Variants in RORA observed in about 807,000 individuals in gnomAD.
RORA encodes the protein RAR related orphan receptor A, also known as nuclear receptor ROR-alpha.
Under a neutral mutation model 69.5 loss-of-function variants are expected in RORA, and 7 were observed. The ratio of observed to expected loss-of-function variants is 0.10; its 90% CI spans 0.06 to 0.19. The LOEUF is 0.19. Ranked by LOEUF, RORA falls within the 10% of genes least tolerant of loss-of-function variation. RORA has a pLI of 1.00. For missense variants in RORA, 457 were observed against 663.0 expected (o/e 0.69, Z 3.41); for synonymous variants, 261 against 240.8 (o/e 1.08, Z -0.78).
At chr15:60,900,189 T>C (rs1232977678) in intron 1 of RORA, among the ~76,000 whole-genome samples, 1 of 144,914 alleles carries the variant, frequency 6.9e-6, no homozygotes, top group Non-Finnish European at 1.5e-5. Flanking sequence ...AGGTCATTTA[T>C]TGTCTGCCAG....
intron 1 of RORA, among the ~76,000 whole-genome samples, chr15:60,941,827 T>TC (rs1892705710): frequency 6.6e-6 from 1 of 152,240 alleles, no homozygotes; most frequent in Non-Finnish European, 1.5e-5. Context: ...GGAAGGGTTT[T>TC]AAATGTTTGC....
At chr15:60,921,275 T>C (rs1261617395) in intron 1 of RORA, among the ~76,000 whole-genome samples, 1 of 152,102 alleles carries the variant, frequency 6.6e-6, no homozygotes, top group Non-Finnish European at 1.5e-5. Flanking sequence ...AAAATGGAAA[T>C]ACCACTAATT....
At chr15:61,136,148 G>T (rs1417149281) in intron 1 of RORA, among the ~76,000 whole-genome samples, 1 of 152,058 alleles carries the variant, frequency 6.6e-6, no homozygotes, top group Non-Finnish European at 1.5e-5. Flanking sequence ...AGAGTTCCTG[G>T]CCATAGAAGC....
intron 1 of RORA, among the ~76,000 whole-genome samples, chr15:61,014,110 T>G (rs1038548091): frequency 6.6e-6 from 1 of 152,194 alleles, no homozygotes; most frequent in Non-Finnish European, 1.5e-5. Context: ...AACAGCTCTG[T>G]AATGAAGTAC....
chr15:60,640,159 C>T (rs1405541603), intron 2 of RORA, among the ~76,000 whole-genome samples: 5 of 152,184 alleles, frequency 3.3e-5, no homozygotes, highest in South Asian at 2.1e-4. Context: ...CACTAGGATT[C>T]ATGTGAGGAG....
intron 1 of RORA, among the ~76,000 whole-genome samples, chr15:60,722,895 A>G (rs1270938308): frequency 1.3e-5 from 2 of 152,170 alleles, no homozygotes; most frequent in African/African-American, 4.8e-5. Context: ...TTCCCAGAGA[A>G]GTGGTCAGGG....
chr15:61,046,276 C>A (rs781707538), intron 1 of RORA, among the ~76,000 whole-genome samples: 1 of 152,212 alleles, frequency 6.6e-6, no homozygotes, highest in Non-Finnish European at 1.5e-5. Flanking sequence ...GGGCACTGTA[C>A]ACACAGGATG....
At chr15:61,008,570 T>C (rs138512971) in intron 1 of RORA, among the ~76,000 whole-genome samples, 75 of 152,240 alleles carry the variant, frequency 4.9e-4, no homozygotes, top group African/African-American at 1.6e-3. Flanking sequence ...AACTAAACTT[T>C]CCACCTGTGA....
At chr15:60,592,711 G>A in intron 2 of RORA, 1 of 1,054,192 alleles carries the variant, frequency 9.5e-7, no homozygotes, top group East Asian at 9.0e-5. Flanking sequence ...CAGGTGAGTA[G>A]CAGCGGCGGC....
intron 2 of RORA, among the ~76,000 whole-genome samples, chr15:60,562,162 C>T (rs544521039): frequency 5.3e-5 from 8 of 152,002 alleles, no homozygotes; most frequent in Non-Finnish European, 1.2e-4. Context: ...CTCGAACTCC[C>T]GACCTCAGGT....
intron 2 of RORA, chr15:60,592,544 C>T: frequency 7.8e-7 from 1 of 1,276,808 alleles, no homozygotes; most frequent in Non-Finnish European, 9.9e-7. Context: ...CGCCGAGAGC[C>T]ATCCCGAGCC....
At chr15:61,219,554 G>A (rs546696255) in intron 1 of RORA, among the ~76,000 whole-genome samples, 12 of 151,950 alleles carry the variant, frequency 7.9e-5, no homozygotes, top group Middle Eastern at 3.4e-3. Flanking sequence ...CAGCCTGGGC[G>A]ACAGAGCAAG....
In RORA at chr15:61,101,174, C is replaced by T. The variant is rs1380991376; in HGVS notation, c.166+127879G>A. 2.6e-5 allele frequency among the ~76,000 whole-genome samples: 4 copies of T among 152,134 alleles called. No individual in the cohort carries two copies. The East Asian group carries it at 5.8e-4, about 22-fold the overall frequency. ...TCATTCATTCACTGTTCTAGTCAACCAACATTTAAAATATACGGAAGACAT... is the reference window on the plus strand; with the variant it reads ...TCATTCATTCACTGTTCTAGTCAACTAACATTTAAAATATACGGAAGACAT... On this transcript the variant is annotated intron_variant, in intron 1 of 10. Coordinates refer to ENST00000335670, the MANE Select transcript of RORA (RefSeq NM_134261.3).
intron 1 of RORA, among the ~76,000 whole-genome samples, chr15:61,185,212 C>A (rs1199015307): frequency 2.0e-5 from 3 of 152,060 alleles, no homozygotes; most frequent in Admixed American, 6.6e-5. Flanking sequence ...TTTCAGCACA[C>A]TGATGAAGCA....
intron 1 of RORA, among the ~76,000 whole-genome samples, chr15:60,978,991 T>A (rs992872024): frequency 7.3e-5 from 7 of 95,988 alleles, no homozygotes; most frequent in Non-Finnish European, 1.1e-4. Flanking sequence ...AGACGGAGTC[T>A]TGCTCAGTAG....
At chr15:60,998,299 G>A (rs558762661) in intron 1 of RORA, among the ~76,000 whole-genome samples, 1 of 151,864 alleles carries the variant, frequency 6.6e-6, no homozygotes, top group Non-Finnish European at 1.5e-5. Context: ...GAGTAGCTGC[G>A]ACTACAGGCA....
At chr15:60,640,640 G>C (rs1240466481) in intron 2 of RORA, among the ~76,000 whole-genome samples, 1 of 151,556 alleles carries the variant, frequency 6.6e-6, no homozygotes, top group Admixed American at 6.6e-5. Flanking sequence ...TTTTTTTCCG[G>C]TTGTACTGGC....
chr15:61,218,694 A>ACACACG (rs1653311464), intron 1 of RORA, among the ~76,000 whole-genome samples: 1 of 151,788 alleles, frequency 6.6e-6, no homozygotes, highest in Non-Finnish European at 1.5e-5. Flanking sequence ...ACACACACAC[A>ACACACG]CACACACACA....
At chr15:61,026,845 A>T (rs763641797) in intron 1 of RORA, among the ~76,000 whole-genome samples, 1 of 152,176 alleles carries the variant, frequency 6.6e-6, no homozygotes, top group Non-Finnish European at 1.5e-5. Context: ...ACCTCTGAAC[A>T]ATGCCTTTAA....
Sources: allele counts gnomAD v4.1 joint callset (sites outside exome capture counted in the v4.1 genomes callset), GRCh38; gene constraint gnomAD v4.1.1; transcripts MANE v1.5; gene names NCBI Gene and HGNC (gene_info 2026-07-23, HGNC 2026-07-21).